The following PLIN1 variants were observed in gnomAD, a reference collection of about 807,000 sequenced individuals.
PLIN1 encodes the protein perilipin-1.
In PLIN1, 37 loss-of-function variants were observed where a neutral mutation model predicts 45.8. That is an observed-to-expected ratio of 0.81 (90% CI 0.62 to 1.06). The LOEUF (loss-of-function observed/expected upper bound fraction) is 1.06. Among genes scored for constraint, PLIN1 ranks in the 50% least tolerant of loss-of-function variants. The pLI, the probability that PLIN1 is intolerant of heterozygous loss-of-function variation, is 0.00. For synonymous variants in PLIN1, 340 were observed against 309.2 expected (o/e 1.10, Z -1.05); for missense variants, 776 against 716.5 (o/e 1.08, Z -0.95).
chr15:89,676,524 G>T (rs1265514606), intron 2 of PLIN1: 1 of 152,316 alleles, frequency 6.6e-6, no homozygotes, highest in African/African-American at 2.4e-5. Flanking sequence ...TGGGATTACA[G>T]GCGTGAGCCA....
intron 2 of PLIN1, among the ~76,000 whole-genome samples, chr15:89,676,320 T>G (rs1306764251): frequency 2.0e-5 from 3 of 152,210 alleles, no homozygotes; most frequent in Non-Finnish European, 4.4e-5. Context: ...CGATCTCAGC[T>G]CACTGCAAGC....
chr15:89,677,727 T>G, intron 1 of PLIN1: 1 of 564,634 alleles, frequency 1.8e-6, no homozygotes, highest in Non-Finnish European at 3.1e-6. Context: ...AAGACTGATG[T>G]TTCTTTCTTT....
chr15:89,669,549 A>G lies in PLIN1; in HGVS notation c.722T>C (p.Leu241Pro), dbSNP rs914779001. 1.9e-6 allele frequency: 3 copies of G among 1,613,718 alleles called. No individual in the cohort carries two copies. Among genetic ancestry groups the G allele is most frequent in the Non-Finnish European group, 2.5e-6 (3 of 1,179,932 alleles). ...RYTVQTMARA[L>P]EQGHTVAMWI... ...CATGGCCACGGTGTGGCCCTGCTCC[A>G]GGGCCCGGGCCATGGTCTGCACGGT... is the stretch of plus-strand genomic sequence containing the variant. The change falls in exon 6 of 9, where the codon CTG (leucine) becomes CCG (proline). Residue 241 changes from leucine to proline, a missense_variant. Transcript: ENST00000300055.
At position 89,665,254 on chromosome 15, in the gene PLIN1, A is replaced by G; in HGVS notation, c.*329T>C. The G allele has an allele frequency of 3.9e-6, 1 of 255,752 alleles. No individual in the cohort carries two copies. Among genetic ancestry groups the G allele is most frequent in the Non-Finnish European group, 7.6e-6 (1 of 131,392 alleles). The allele number at this position is 255,752 out of a possible 1,614,324, so 15.8% of individuals were successfully genotyped here. A position where few individuals can be genotyped will look rare whatever the true frequency, so the allele number is the denominator to read the frequency against. ...AGAATCTGAATTTTGGAAACGGTCA[A>G]ATATCTTTTGGCCACAAGTTTGGTT... On this transcript the variant is annotated 3_prime_UTR_variant, in exon 9 of 9. Coordinates refer to ENST00000300055, the MANE Select transcript of PLIN1 (RefSeq NM_002666.5).
intron 5 of PLIN1, among the ~76,000 whole-genome samples, 154 bp from the exon 6 acceptor site, chr15:89,669,826 T>A (rs1326617536): frequency 1.3e-4 from 1 of 7,772 alleles, no homozygotes; most frequent in Non-Finnish European, 2.4e-4. Flanking sequence ...ACAGATGGGG[T>A]GGGGGTGGGG....
intron 2 of PLIN1, among the ~76,000 whole-genome samples, chr15:89,673,833 C>T (rs1964477558): frequency 6.6e-6 from 1 of 152,190 alleles, no homozygotes; most frequent in South Asian, 2.1e-4. Context: ...TACTGCCTCC[C>T]TGCCTGTGTA....
intron 3 of PLIN1, among the ~76,000 whole-genome samples, chr15:89,672,151 T>C (rs1964450329): frequency 6.6e-6 from 1 of 152,178 alleles, no homozygotes; most frequent in African/African-American, 2.4e-5. Context: ...CTCTTCTTTT[T>C]AACCACTAGG....
At position 89,664,647 on chromosome 15, in the gene PLIN1, G is replaced by C; in HGVS notation, c.*936C>G. On this transcript the variant is annotated 3_prime_UTR_variant, in exon 9 of 9. Transcript: ENST00000300055. Reference sequence around the variant, plus strand: ...GGAGTGCATACACACGTGCCTGCAGGTGCATAGCCCTGCATACACAAGAGA... The same window carrying C: ...GGAGTGCATACACACGTGCCTGCAGCTGCATAGCCCTGCATACACAAGAGA... 1 of 345,970 alleles carries C rather than the reference G, an allele frequency of 2.9e-6. No homozygotes were observed. The highest frequency in any genetic ancestry group is 7.7e-5 in the East Asian group (1 of 12,926). 21.4% of individuals were successfully genotyped at this position (345,970 alleles called of 1,614,324 possible).
At chr15:89,675,020 G>A (rs1426600292) in intron 2 of PLIN1, among the ~76,000 whole-genome samples, 1 of 152,150 alleles carries the variant, frequency 6.6e-6, no homozygotes, top group Admixed American at 6.5e-5. Context: ...GGAACCTGAG[G>A]CGGGAAGATC....
intron 2 of PLIN1, among the ~76,000 whole-genome samples, chr15:89,675,320 T>G (rs1248412699): frequency 6.6e-6 from 1 of 150,584 alleles, no homozygotes; most frequent in Non-Finnish European, 1.5e-5. Flanking sequence ...AAGAATGAAT[T>G]CTAGGGCTAA....
At position 89,669,460 on chromosome 15, in the gene PLIN1, C is replaced by G. The variant is rs1268426418; in HGVS notation, c.771+40G>C. On this transcript the variant is annotated intron_variant, in intron 6 of 8. Coordinates refer to ENST00000300055, the MANE Select transcript of PLIN1 (RefSeq NM_002666.5). ...AGGGACTAGGAGGCCCACAGGGCTC[C>G]CAGGCACCGGGTCAGTCAGAGCTCA... 4 of 1,581,570 alleles carry G rather than the reference C, an allele frequency of 2.5e-6. No individual in the cohort carries two copies. The African/African-American group carries it at 5.4e-5, about 21-fold the overall frequency.
In PLIN1 at chr15:89,670,143, G is replaced by A. The variant is rs371935336; in HGVS notation, c.435C>T (p.Ala145=). Residue 145 remains alanine, a synonymous_variant, in exon 5 of 9, where the codon GCC becomes GCT. Transcript: ENST00000300055. ...IASTSDKVLG[A]ALAGCELAWG... ...AGGCAAGCTCGCACCCGGCCAAAGC[G>A]GCCCCCAGGACCTTGTCTGAAGTGC... is the stretch of plus-strand genomic sequence containing the variant. 35 of 1,614,076 alleles carry A rather than the reference G, an allele frequency of 2.2e-5. No individual in the cohort carries two copies. In the East Asian group the frequency reaches 2.9e-4, roughly 13 times the overall value.
rs1289232821 is a variant in PLIN1, at chr15:89,667,731, T to A, written c.834A>T (p.Glu278Asp). 1 of 1,571,914 alleles carries A rather than the reference T, an allele frequency of 6.4e-7. No homozygotes were observed. The highest frequency in any genetic ancestry group is 8.6e-7 in the Non-Finnish European group (1 of 1,158,648). ...GGCTGTGCAGCCAGGGTACCCGCAC[T>A]TCGCTCCTCCGCCGGGACACCGCCT... ...AMQAVSRRRS[E>D]VRVPWLHSLA... Residue 278 changes from glutamate to aspartate, a missense_variant, in exon 7 of 9, where the codon GAA (glutamate) becomes GAT (aspartate). Physicochemically the swap from Glu to Asp is conservative, Grantham distance 45 (BLOSUM62 2). Transcript: ENST00000300055.
At chr15:89,675,072 C>T (rs976217088) in intron 2 of PLIN1, among the ~76,000 whole-genome samples, 2 of 151,910 alleles carry the variant, frequency 1.3e-5, no homozygotes, top group East Asian at 1.9e-4. Flanking sequence ...GCCATAATCA[C>T]GCCACTGTAC....
In PLIN1 at chr15:89,665,959, C is replaced by T. The variant is rs1426732881; in HGVS notation, c.1210-17G>A. The T allele has an allele frequency of 2.0e-6, 3 of 1,477,824 alleles. No homozygotes were observed. The highest frequency in any genetic ancestry group is 2.1e-5 in the Admixed American group (1 of 46,578). 91.5% of individuals were successfully genotyped at this position (1,477,824 alleles called of 1,614,324 possible). A position where few individuals can be genotyped will look rare whatever the true frequency, so the allele number is the denominator to read the frequency against. On this transcript the variant is annotated splice_polypyrimidine_tract_variant and intron_variant, in intron 8 of 8. Transcript: ENST00000300055. ...CCTGGGGAGCTGAGGGCCCGGCAGC[C>T]GCCTTAGAGTCCTGGCTTGGCCCTG... is the stretch of plus-strand genomic sequence containing the variant.
intron 2 of PLIN1, chr15:89,676,630 T>A (rs1242711698): frequency 1.3e-5 from 2 of 152,186 alleles, no homozygotes; most frequent in African/African-American, 4.8e-5. Context: ...AACATTCTTT[T>A]TAACATTTTG....
At chr15:89,670,379 T>G (rs1452587831) in intron 4 of PLIN1, 135 bp from the exon 5 acceptor site, 1 of 865,372 alleles carries the variant, frequency 1.2e-6, no homozygotes, top group African/African-American at 1.7e-5. Context: ...GTACTGATAT[T>G]TAGGTACCTG....
rs372878504 is a variant in PLIN1 at position 89,667,659 on chromosome 15, C to T, written c.906G>A (p.Glu302=). 35 of 1,608,956 alleles carry T rather than the reference C, an allele frequency of 2.2e-5. No homozygotes were observed. The highest frequency in any genetic ancestry group is 1.4e-5 in the Non-Finnish European group (17 of 1,177,440). ...EEDHEDQTDT[E]GEDTEEEEEL... The stretch of plus-strand genomic sequence containing the variant: ...CTTCCTCCTCCTCCGTGTCCTCTCC[C>T]TCCGTGTCTGTCTGGTCCTCATGAT... Residue 302 remains glutamate (E), a synonymous_variant, in exon 7 of 9, where the codon GAG becomes GAA. Transcript: ENST00000300055.
At chr15:89,671,784 T>A (rs1964445424) in intron 3 of PLIN1, among the ~76,000 whole-genome samples, 1 of 151,634 alleles carries the variant, frequency 6.6e-6, no homozygotes, top group African/African-American at 2.4e-5. Flanking sequence ...AACTCTGGAG[T>A]CGCTCAGACC....
Sources: allele counts gnomAD v4.1 joint callset (sites outside exome capture counted in the v4.1 genomes callset), GRCh38; gene constraint gnomAD v4.1.1; transcripts MANE v1.5; gene names NCBI Gene and HGNC (gene_info 2026-07-23, HGNC 2026-07-21).